The following AGAP1 variants were observed in gnomAD, a reference collection of about 807,000 sequenced individuals.
AGAP1 encodes ArfGAP with GTPase domain, ankyrin repeat and PH domain 1.
In AGAP1, 29 loss-of-function variants were observed where a neutral mutation model predicts 105.3. The ratio of observed to expected loss-of-function variants is 0.28; its 90% CI spans 0.21 to 0.38. The LOEUF (loss-of-function observed/expected upper bound fraction) is 0.38. Among genes scored for constraint, AGAP1 ranks in the 10% least tolerant of loss-of-function variants. AGAP1 has a pLI of 1.00. For missense variants in AGAP1, 998 were observed against 1,165.1 expected, an observed-to-expected ratio of 0.86 and a Z score of 2.09; for synonymous variants, 509 against 485.9, an observed-to-expected ratio of 1.05 and a Z score of -0.63.
intron 1 of AGAP1, among the ~76,000 whole-genome samples, chr2:235,708,419 T>C (rs1388272705): frequency 6.6e-6 from 1 of 151,490 alleles, no homozygotes; most frequent in Non-Finnish European, 1.5e-5. Flanking sequence ...CCATGGTCGT[T>C]TGGGTCATCT....
In AGAP1 at chr2:236,055,234, C is replaced by T. The variant is rs746061272; in HGVS notation, c.2114+5953C>T. ...TTAATCAGCCTGTCTTCTACTCCGG[C>T]GATCAGAGTTAACAATTATAGCAAG... On this transcript the variant is annotated intron_variant, in intron 16 of 17. Transcript: ENST00000304032. The surrounding 1 kb of genome is among the most constrained non-coding windows in gnomAD (Gnocchi z 6.2). 2.6e-5 allele frequency among the ~76,000 whole-genome samples: 4 copies of T among 152,150 alleles called. No homozygotes were observed. The highest frequency in any genetic ancestry group is 5.9e-5 in the Non-Finnish European group (4 of 68,048).
chr2:235,780,250 T>C (rs1487103415), intron 6 of AGAP1, among the ~76,000 whole-genome samples: 1 of 152,150 alleles, frequency 6.6e-6, no homozygotes, highest in East Asian at 1.9e-4. Flanking sequence ...GGAATTTAGG[T>C]TTAAGAAAAT....
At chr2:235,520,681 G>C (rs750218378) in intron 1 of AGAP1, among the ~76,000 whole-genome samples, 3 of 152,066 alleles carry the variant, frequency 2.0e-5, no homozygotes, top group Non-Finnish European at 4.4e-5. Context: ...GCTGTTATTT[G>C]TTTAAGATGA....
chr2:235,907,260 A>G (rs2051351197), intron 10 of AGAP1, among the ~76,000 whole-genome samples: 1 of 152,122 alleles, frequency 6.6e-6, no homozygotes, highest in African/African-American at 2.4e-5. Flanking sequence ...CCACTTCTCC[A>G]CCCTGCCTCG....
intron 1 of AGAP1, among the ~76,000 whole-genome samples, chr2:235,524,705 T>G (rs1459887648): frequency 1.3e-5 from 2 of 152,168 alleles, no homozygotes; most frequent in African/African-American, 2.4e-5. Flanking sequence ...AGAGAAAACC[T>G]GATGGCAGGT....
At chr2:236,017,292 CAA>C (rs1202844758) in intron 13 of AGAP1, among the ~76,000 whole-genome samples, 22 of 104,436 alleles carry the variant, frequency 2.1e-4, no homozygotes, top group African/African-American at 3.3e-4. Flanking sequence ...GACTCCATCT[CAA>C]AAAAAAAAAA....
In AGAP1 at chr2:235,801,286, G is replaced by T. The variant is rs1205302847; in HGVS notation, c.957+1764G>T. On this transcript the variant is annotated intron_variant, in intron 8 of 17. Transcript: ENST00000304032. This position sits in a 1 kb window ranked among gnomAD's most constrained non-coding sequence, Gnocchi z 6.0. The stretch of plus-strand genomic sequence containing the variant: ...CTGGGCTGGAAACCATAGTACTTCT[G>T]CAGTGGGGCTTCCGGGAAGACTTCC... Among the ~76,000 whole-genome samples, 4 of 152,274 alleles carry T rather than the reference G, an allele frequency of 2.6e-5. No homozygotes were observed. Among genetic ancestry groups the T allele is most frequent in the Non-Finnish European group, 4.4e-5 (3 of 68,018 alleles).
At chr2:235,947,102 T>A (rs1289505718) in intron 12 of AGAP1, among the ~76,000 whole-genome samples, 1 of 152,216 alleles carries the variant, frequency 6.6e-6, no homozygotes, top group Admixed American at 6.5e-5. Context: ...AGTAGTTTTT[T>A]GGGGAACAAG....
chr2:235,959,480 C>T lies in AGAP1; in HGVS notation c.1484-8982C>T, dbSNP rs375972336. Among the ~76,000 whole-genome samples the T allele has an allele frequency of 1.3e-5, 2 of 152,258 alleles. No homozygotes were observed. Among genetic ancestry groups the T allele is most frequent in the East Asian group, 1.9e-4 (1 of 5,178 alleles). On this transcript the variant is annotated intron_variant, in intron 12 of 17. Transcript: ENST00000304032. The surrounding 1 kb of genome is among the most constrained non-coding windows in gnomAD (Gnocchi z 7.3). The stretch of plus-strand genomic sequence containing the variant: ...CCAGGGGCATTCATATTCCCGTGGC[C>T]GAGCTCAGCGCCCAGTGGACGGGAA...
At chr2:235,809,635 G>A (rs953814824) in intron 9 of AGAP1, among the ~76,000 whole-genome samples, 3 of 152,198 alleles carry the variant, frequency 2.0e-5, no homozygotes, top group Admixed American at 2.0e-4. Context: ...AAGCCTCTCT[G>A]TGCATCGGAC....
intron 17 of AGAP1, among the ~76,000 whole-genome samples, chr2:236,122,302 A>G (rs2059918614): frequency 6.6e-6 from 1 of 152,054 alleles, no homozygotes; most frequent in East Asian, 1.9e-4. Context: ...ATTTAAGCTA[A>G]TACACCACCA....
intron 16 of AGAP1, among the ~76,000 whole-genome samples, chr2:236,066,131 C>T (rs535575874): frequency 1.3e-5 from 2 of 152,370 alleles, no homozygotes; most frequent in South Asian, 4.1e-4. Flanking sequence ...ACTCACTGTG[C>T]AAATCCGTTT....
In AGAP1 at chr2:236,008,115, A is replaced by G. The variant is rs2056385181; in HGVS notation, c.1646-28446A>G. 2.6e-5 allele frequency among the ~76,000 whole-genome samples: 4 copies of G among 152,362 alleles called. No individual in the cohort carries two copies. In the South Asian group the frequency reaches 8.3e-4, roughly 32 times the overall value. ...CTAACATATGTTATGGTTGGAGTGC[A>G]TATAACACTGTGCAGCCGAATAACT... On this transcript the variant is annotated intron_variant, in intron 13 of 17. Coordinates refer to ENST00000304032, the MANE Select transcript of AGAP1 (RefSeq NM_001037131.3).
At chr2:235,997,568 CACTG>C (rs1318081843) in intron 13 of AGAP1, among the ~76,000 whole-genome samples, 1 of 152,346 alleles carries the variant, frequency 6.6e-6, no homozygotes, top group East Asian at 1.9e-4. Context: ...GCAGCATCTA[CACTG>C]ACTGTGTGGT....
At position 235,552,900 on chromosome 2, in the gene AGAP1, GA is replaced by G. The variant is rs1193582274; in HGVS notation, c.163+58052del. 6.6e-6 allele frequency among the ~76,000 whole-genome samples: 1 copy of G among 152,218 alleles called. No individual in the cohort carries two copies. The highest frequency in any genetic ancestry group is 1.5e-5 in the Non-Finnish European group (1 of 68,046). On this transcript the variant is annotated intron_variant, in intron 1 of 17. Transcript: ENST00000304032. This position sits in a 1 kb window ranked among gnomAD's most constrained non-coding sequence, Gnocchi z 5.9. Reference sequence around the variant, plus strand: ...TTGTTGTGGGCTCAAGGAGTGCAGAGAGGCAGCGCCTGCCTTGGTCGTAACT... The same window carrying G: ...TTGTTGTGGGCTCAAGGAGTGCAGAGGGCAGCGCCTGCCTTGGTCGTAACT...
chr2:235,674,240 A>G (rs1282921265), intron 1 of AGAP1, among the ~76,000 whole-genome samples: 2 of 152,242 alleles, frequency 1.3e-5, no homozygotes, highest in Non-Finnish European at 1.5e-5. Context: ...GCAAGCCAGC[A>G]GACATTCCAG....
At chr2:235,795,925 A>G (rs1023995853) in intron 6 of AGAP1, among the ~76,000 whole-genome samples, 7 of 152,246 alleles carry the variant, frequency 4.6e-5, no homozygotes, top group African/African-American at 1.7e-4. Flanking sequence ...TTGAAGTTTC[A>G]TACAACAGTC....
At position 235,707,106 on chromosome 2, in the gene AGAP1, T is replaced by C. The variant is rs147026378; in HGVS notation, c.164-2073T>C. 7.3e-3 allele frequency among the ~76,000 whole-genome samples: 1,110 copies of C among 152,284 alleles called. 16 individuals carry two copies. Among genetic ancestry groups the C allele is most frequent in the African/African-American group, 0.026 (1,061 of 41,552 alleles). The stretch of plus-strand genomic sequence containing the variant: ...TGCAAAATTTTGCGCCCCCGATATT[T>C]AGCTCCCAATGTGTCCGTGTCAGTG... On this transcript the variant is annotated intron_variant, in intron 1 of 17. Coordinates refer to ENST00000304032, the MANE Select transcript of AGAP1 (RefSeq NM_001037131.3).
rs894775434 is a variant in AGAP1, at chr2:235,788,009, A to T, written c.674-9750A>T. Among the ~76,000 whole-genome samples the T allele has an allele frequency of 1.3e-5, 2 of 152,188 alleles. No homozygotes were observed. The highest frequency in any genetic ancestry group is 2.9e-5 in the Non-Finnish European group (2 of 68,040). On this transcript the variant is annotated intron_variant, in intron 6 of 17. Coordinates refer to ENST00000304032, the MANE Select transcript of AGAP1 (RefSeq NM_001037131.3). The surrounding 1 kb of genome is among the most constrained non-coding windows in gnomAD (Gnocchi z 6.0). ...TCTGGGACCAAGAGTTTGACCAAGT[A>T]TTATACATTCTGGGACCTTCCTAGG...
Sources: gnomAD v4.1 joint callset for allele counts (sites outside exome capture counted in the v4.1 genomes callset) on GRCh38, gnomAD v4.1.1 for gene constraint, Gnocchi (gnomAD v3.1) non-coding constraint, MANE v1.5 for transcripts, NCBI Gene and HGNC (gene_info 2026-07-23, HGNC 2026-07-21) for gene names.